MIA2: variants seen among roughly 807,000 people sequenced by gnomAD.
MIA2 encodes MIA SH3 domain ER export factor 2.
A neutral mutation model predicts 167.8 loss-of-function variants in MIA2; 127 were observed. That is an observed-to-expected ratio of 0.76 (90% CI 0.66 to 0.88). The LOEUF (loss-of-function observed/expected upper bound fraction) is 0.88. Ranked by LOEUF, MIA2 falls within the 40% of genes least tolerant of loss-of-function variation. The probability of loss-of-function intolerance (pLI) is 0.00; values close to 1 mark genes in which losing one functional copy is unlikely to be tolerated. For synonymous variants in MIA2, 552 were observed against 541.9 expected (o/e 1.02, Z -0.26); for missense variants, 1,690 against 1,624.7 (o/e 1.04, Z -0.69).
rs780372625 is a variant in MIA2 at position 39,247,291 on chromosome 14, T to C, written c.717T>C (p.Phe239=). The C allele has an allele frequency of 1.2e-6, 2 of 1,613,880 alleles. No homozygotes were observed. The highest frequency in any genetic ancestry group is 2.2e-5 in the East Asian group (1 of 44,878). Residue 239 remains phenylalanine (F), a synonymous_variant, in exon 4 of 29, where the codon TTT becomes TTC. Transcript: ENST00000640607. The part of the protein sequence containing the change: ...LGGEQAEEKA[F]ESVIEPVQES... Reference sequence around the variant, plus strand: ...GAGAACAAGCTGAAGAGAAGGCTTTTGAATCAGTTATTGAACCTGTACAAG... The same window carrying C: ...GAGAACAAGCTGAAGAGAAGGCTTTCGAATCAGTTATTGAACCTGTACAAG...
intron 6 of MIA2, among the ~76,000 whole-genome samples, chr14:39,269,216 T>G (rs2056680011): frequency 6.6e-6 from 1 of 151,756 alleles, no homozygotes; most frequent in Non-Finnish European, 1.5e-5. Flanking sequence ...CAACATAAAA[T>G]TCATCCTTTT....
intron 26 of MIA2, 22 bp from the exon 27 acceptor site, chr14:39,347,691 A>G (rs2073608609): frequency 1.2e-5 from 19 of 1,609,650 alleles, no homozygotes; most frequent in Admixed American, 1.7e-5. Context: ...TGTACTTTTC[A>G]TGGTTTAACT....
chr14:39,285,937 A>G (rs1377102926), intron 9 of MIA2, among the ~76,000 whole-genome samples: 2 of 147,484 alleles, frequency 1.4e-5, no homozygotes, highest in African/African-American at 5.1e-5. Flanking sequence ...GGCGGCCGGG[A>G]AGAGGCGCTC....
chr14:39,311,399 A>G (rs1176370568), intron 18 of MIA2, among the ~76,000 whole-genome samples: 1 of 126,540 alleles, frequency 7.9e-6, no homozygotes, highest in African/African-American at 2.8e-5. Context: ...CATGACTGAT[A>G]TACCATTTTC....
intron 25 of MIA2, among the ~76,000 whole-genome samples, chr14:39,338,140 G>A (rs944435234): frequency 8.5e-5 from 13 of 152,260 alleles, no homozygotes; most frequent in African/African-American, 2.9e-4. Flanking sequence ...GCACGAGGGA[G>A]GTGTTTTTGG....
rs773846519 is a variant in MIA2 at position 39,345,950 on chromosome 14, A to G, written c.3702A>G (p.Arg1234=). 3 of 1,612,084 alleles carry G rather than the reference A, an allele frequency of 1.9e-6. No individual in the cohort carries two copies. The African/African-American group carries it at 4.0e-5, about 22-fold the overall frequency. The part of the protein sequence containing the change: ...DSALPPQRQD[R]FCSNSGRLSG... The stretch of plus-strand genomic sequence containing the variant: ...CCCTTCCTCCACAAAGGCAAGACAG[A>G]TTTTGTTCTAATTCTGGTAGACTGT... The change falls in exon 26 of 29, where the codon AGA becomes AGG. Residue 1234 remains arginine, a synonymous_variant. Coordinates refer to ENST00000640607, the MANE Select transcript of MIA2 (RefSeq NM_001329214.4).
chr14:39,242,489 T>C (rs1221474745), intron 3 of MIA2, among the ~76,000 whole-genome samples: 2 of 151,962 alleles, frequency 1.3e-5, no homozygotes, highest in African/African-American at 4.8e-5. Context: ...AGCCTGGCTA[T>C]TTTTTGTATT....
At chr14:39,353,292 C>A (rs1055589616), downstream of MIA2, among the ~76,000 whole-genome samples, 3 of 152,104 alleles carry the variant, frequency 2.0e-5, no homozygotes, top group Non-Finnish European at 2.9e-5. Flanking sequence ...GAATTTATTT[C>A]ATCTAACTGT....
At chr14:39,242,234 T>C (rs1034099168) in intron 3 of MIA2, among the ~76,000 whole-genome samples, 4 of 152,174 alleles carry the variant, frequency 2.6e-5, no homozygotes, top group Admixed American at 1.3e-4. Context: ...TAAAAACCAG[T>C]GCCTTGGAGA....
chr14:39,292,953 T>G (rs1459244971), intron 10 of MIA2, among the ~76,000 whole-genome samples: 1 of 151,956 alleles, frequency 6.6e-6, no homozygotes, highest in African/African-American at 2.4e-5. Flanking sequence ...GGCTCTCCAC[T>G]TTTTTTTGTA....
At chr14:39,251,989 T>A (rs1403361229) in intron 4 of MIA2, among the ~76,000 whole-genome samples, 2 of 152,178 alleles carry the variant, frequency 1.3e-5, no homozygotes, top group Admixed American at 6.5e-5. Flanking sequence ...ATATACTATA[T>A]ATGTACATAT....
chr14:39,315,599 G>A, intron 20 of MIA2, 84 bp from the exon 21 acceptor site: 2 of 1,015,780 alleles, frequency 2.0e-6, no homozygotes, highest in Non-Finnish European at 1.5e-6. Context: ...TTTGAGTTGT[G>A]CACTACATCA....
At chr14:39,356,753 C>G (rs1201375692) in intron 23 of MIA2, among the ~76,000 whole-genome samples, 1 of 152,152 alleles carries the variant, frequency 6.6e-6, no homozygotes, top group Admixed American at 6.6e-5. Context: ...TATGTTGTAT[C>G]TTTGTTCTCA....
rs751903170 is a variant in MIA2, at chr14:39,280,911, G to GT, written c.2130+1399dup. On this transcript the variant is annotated intron_variant, in intron 9 of 28. Transcript: ENST00000640607. Reference sequence around the variant, plus strand: ...TGGCTTAATGTCTTTTATTAGTTTAGTTTTTTTTTTTTTTTTTTTTTTTTT... The same window carrying GT: ...TGGCTTAATGTCTTTTATTAGTTTAGTTTTTTTTTTTTTTTTTTTTTTTTTT... Among the ~76,000 whole-genome samples, 181 of 60,196 alleles carry GT rather than the reference G, an allele frequency of 3.0e-3. 5 individuals carry two copies. Among genetic ancestry groups the GT allele is most frequent in the South Asian group, 0.01 (12 of 1,192 alleles). The allele number at this position is 60,196 out of a possible 152,430, so 39.5% of individuals were successfully genotyped here. A position where few individuals can be genotyped will look rare whatever the true frequency, so the allele number is the denominator to read the frequency against.
At chr14:39,265,469 T>A in intron 6 of MIA2, 1 of 1,491,674 alleles carries the variant, frequency 6.7e-7, no homozygotes, top group Non-Finnish European at 9.3e-7. Flanking sequence ...GGTTTGGAAT[T>A]TTGCACTAAG....
intron 23 of MIA2, among the ~76,000 whole-genome samples, chr14:39,375,100 GCTGC>G (rs1368249294): frequency 3.7e-5 from 5 of 136,908 alleles, no homozygotes; most frequent in Non-Finnish European, 6.4e-5. Context: ...TATTCTTCCT[GCTGC>G]TTGTTAGTAA....
Position 39,234,038 on chromosome 14 carries a change from C to G in MIA2, c.-77C>G, listed in dbSNP as rs141257892. 254 of 796,278 alleles carry G rather than the reference C, an allele frequency of 3.2e-4. 1 individual carries two copies. Among genetic ancestry groups the G allele is most frequent in the African/African-American group, 3.1e-3 (172 of 55,598 alleles). The allele number at this position is 796,278 out of a possible 1,614,324, so 49.3% of individuals were successfully genotyped here. A position where few individuals can be genotyped will look rare whatever the true frequency, so the allele number is the denominator to read the frequency against. ...AGTTAGTGAAGAGAGTAGAATATCTCCAGTTTTGGCTGACATCTCTACAAC... is the reference window on the plus strand; with the variant it reads ...AGTTAGTGAAGAGAGTAGAATATCTGCAGTTTTGGCTGACATCTCTACAAC... On this transcript the variant is annotated 5_prime_UTR_variant, in exon 1 of 29. Coordinates refer to ENST00000640607, the MANE Select transcript of MIA2 (RefSeq NM_001329214.4).
intron 23 of MIA2, among the ~76,000 whole-genome samples, chr14:39,375,961 A>G (rs2075036219): frequency 6.6e-6 from 1 of 151,906 alleles, no homozygotes; most frequent in South Asian, 2.1e-4. Flanking sequence ...TGATTTTTTT[A>G]TTTTTATTTT....
intron 25 of MIA2, among the ~76,000 whole-genome samples, chr14:39,343,220 C>A (rs1312532679): frequency 1.3e-5 from 2 of 152,176 alleles, no homozygotes; most frequent in Non-Finnish European, 2.9e-5. Flanking sequence ...TCTTGGCTGA[C>A]TGCAACCTCC....
Sources: allele counts gnomAD v4.1 joint callset (sites outside exome capture counted in the v4.1 genomes callset), GRCh38; gene constraint gnomAD v4.1.1; transcripts MANE v1.5; gene names NCBI Gene and HGNC (gene_info 2026-07-23, HGNC 2026-07-21).